PADI6: variants seen among roughly 807,000 people sequenced by gnomAD.
PADI6 encodes inactive protein-arginine deiminase type-6.
PADI6 carries 66 observed loss-of-function variants against 78.2 expected under a neutral mutation model. That is an observed-to-expected ratio of 0.84 (90% CI 0.69 to 1.04). The LOEUF is 1.04. Among genes scored for constraint, PADI6 ranks in the 50% least tolerant of loss-of-function variants. PADI6 has a pLI of 0.00. For synonymous variants in PADI6, 397 were observed against 346.9 expected, an observed-to-expected ratio of 1.14 and a Z score of -1.60; for missense variants, 854 against 866.1, an observed-to-expected ratio of 0.99 and a Z score of 0.18.
intron 8 of PADI6, 150 bp from the exon 9 acceptor site, chr1:17,391,964 G>A: frequency 3.1e-6 from 2 of 635,906 alleles, no homozygotes; most frequent in Non-Finnish European, 5.6e-6. Context: ...TTGTGCCGAG[G>A]TCAGGGATGG....
intron 14 of PADI6, among the ~76,000 whole-genome samples, chr1:17,397,469 A>G (rs11584962): frequency 0.03 from 4,505 of 152,252 alleles, 94 homozygotes; most frequent in Non-Finnish European, 0.041. Flanking sequence ...GGACAGGGGC[A>G]GGGAGGAGCG....
At chr1:17,382,131 C>G in intron 6 of PADI6, 39 bp downstream of exon 6, 1 of 1,606,552 alleles carries the variant, frequency 6.2e-7, no homozygotes. Flanking sequence ...TGCCTGCTCT[C>G]GACGTGCCAG....
At position 17,388,401 on chromosome 1, in the gene PADI6, G is replaced by C. The variant is rs955854373; in HGVS notation, c.700G>C (p.Glu234Gln). The change falls in exon 7 of 16, where the codon GAG becomes CAG. Residue 234 changes from glutamate to glutamine, a missense_variant. By Grantham distance (29) the Glu-to-Gln change is conservative (BLOSUM62 2). Coordinates refer to ENST00000619609, the MANE Select transcript of PADI6 (RefSeq NM_207421.4). ...WPQKDNSSTF[E>Q]LVLGPDQHAY... ...CCTAGAAGACAACTCCAGTACCTTT[G>C]AGTTGGTGCTGGGGCCCGACCAGCA... The C allele has an allele frequency of 1.9e-6, 3 of 1,613,038 alleles. No homozygotes were observed. Among genetic ancestry groups the C allele is most frequent in the Non-Finnish European group, 2.5e-6 (3 of 1,179,526 alleles).
chr1:17,398,654 G>GCTCCCCCCC, intron 14 of PADI6, 32 bp from the exon 15 acceptor site: 5 of 173,478 alleles, frequency 2.9e-5, no homozygotes, highest in South Asian at 1.5e-4. Flanking sequence ...TTGCTCCCCC[G>GCTCCCCCCC]CCCCCCCCCC....
intron 8 of PADI6, among the ~76,000 whole-genome samples, chr1:17,390,537 G>A (rs2075171739): frequency 6.6e-6 from 1 of 151,456 alleles, no homozygotes; most frequent in African/African-American, 2.4e-5. Flanking sequence ...CCAGAAGGCG[G>A]AGGTTGCAGT....
chr1:17,384,399 G>C (rs2075101540), intron 6 of PADI6, among the ~76,000 whole-genome samples: 1 of 152,136 alleles, frequency 6.6e-6, no homozygotes, highest in South Asian at 2.1e-4. Context: ...TTCAAGACCA[G>C]CCTTGGCAAC....
intron 2 of PADI6, among the ~76,000 whole-genome samples, chr1:17,373,921 G>C (rs2074990714): frequency 6.6e-6 from 1 of 152,166 alleles, no homozygotes; most frequent in Non-Finnish European, 1.5e-5. Context: ...TGGGTAAGCT[G>C]TCTCCCTAAT....
chr1:17,378,041 A>C (rs532703742), intron 3 of PADI6, among the ~76,000 whole-genome samples: 6 of 152,156 alleles, frequency 3.9e-5, no homozygotes, highest in African/African-American at 1.4e-4. Context: ...TGGCCACTCT[A>C]ACCCTTGGCC....
rs368012608 is a variant in PADI6, at chr1:17,398,856, C to T, written c.1851+9C>T. 90 of 1,612,190 alleles carry T rather than the reference C, an allele frequency of 5.6e-5. 1 individual carries two copies. The highest frequency in any genetic ancestry group is 4.0e-4 in the East Asian group (18 of 44,842). On this transcript the variant is annotated intron_variant, in intron 15 of 15. Transcript: ENST00000619609. ...CATACTTCCCTGACCTGGTGAGGGG[C>T]GACTGCGCATCCCTGGGTGGGGGAG... is the stretch of plus-strand genomic sequence containing the variant.
intron 15 of PADI6, 112 bp from the exon 16 acceptor site, chr1:17,401,093 G>A: frequency 2.3e-6 from 2 of 876,940 alleles, no homozygotes; most frequent in South Asian, 3.4e-5. Context: ...TGACCTGGAG[G>A]AGGCGGCTGC....
intron 6 of PADI6, among the ~76,000 whole-genome samples, chr1:17,385,357 G>A (rs1198946234): frequency 2.0e-5 from 3 of 152,172 alleles, no homozygotes; most frequent in Non-Finnish European, 4.4e-5. Context: ...AAAAAGGTGT[G>A]GGAGTGGACA....
At chr1:17,376,942 A>G (rs2075025116) in intron 3 of PADI6, among the ~76,000 whole-genome samples, 1 of 152,086 alleles carries the variant, frequency 6.6e-6, no homozygotes, top group African/African-American at 2.4e-5. Flanking sequence ...ACTGGAGTGA[A>G]GAGACACGAT....
At chr1:17,394,916 T>C in intron 11 of PADI6, 35 bp from the exon 12 acceptor site, 1 of 1,551,468 alleles carries the variant, frequency 6.4e-7, no homozygotes, top group Non-Finnish European at 8.7e-7. Flanking sequence ...TGGGCCACAC[T>C]GGCTCAAGAG....
chr1:17,388,984 C>T lies in PADI6; in HGVS notation c.962+104C>T, dbSNP rs146461773. On this transcript the variant is annotated intron_variant, in intron 8 of 15. Transcript: ENST00000619609. The stretch of plus-strand genomic sequence containing the variant: ...GGTGAAGATGACTAGGACCTCTCAC[C>T]AGGAGAGTTGAAACCCTTCTGTCTG... 68 of 848,796 alleles carry T rather than the reference C, an allele frequency of 8.0e-5. 2 individuals carry two copies. In the African/African-American group the frequency reaches 8.7e-4, roughly 11 times the overall value. The allele number at this position is 848,796 out of a possible 1,614,324, so 52.6% of individuals were successfully genotyped here. A position where few individuals can be genotyped will look rare whatever the true frequency, so the allele number is the denominator to read the frequency against.
At chr1:17,376,121 T>C (rs1267407183) in intron 3 of PADI6, among the ~76,000 whole-genome samples, 1 of 151,512 alleles carries the variant, frequency 6.6e-6, no homozygotes, top group East Asian at 1.9e-4. Context: ...ACTATAGGTG[T>C]GTGCCACCAT....
chr1:17,386,925 C>T (rs111970611), intron 6 of PADI6, among the ~76,000 whole-genome samples: 245 of 152,274 alleles, frequency 1.6e-3, no homozygotes, highest in African/African-American at 5.6e-3. Context: ...CTGGCAGTGC[C>T]GTGCAGAAGG....
intron 4 of PADI6, among the ~76,000 whole-genome samples, chr1:17,380,782 A>G (rs527991708): frequency 2.6e-5 from 4 of 152,156 alleles, no homozygotes; most frequent in East Asian, 1.9e-4. Flanking sequence ...CTCTTTTCCA[A>G]TTTGCCTCGG....
At position 17,394,415 on chromosome 1, in the gene PADI6, C is replaced by T. The variant is rs759006424; in HGVS notation, c.1298C>T (p.Pro433Leu). Residue 433 changes from proline to leucine, a missense_variant, in exon 11 of 16, where the codon CCG (proline) becomes CTG (leucine). Transcript: ENST00000619609. ...PPVKVQGKEY[P>L]LGRVLIGSSF... Reference sequence around the variant, plus strand: ...GTCAAGGTCCAAGGGAAAGAGTACCCGCTGGGCAGAGTCCTCATTGGCAGC... The same window carrying T: ...GTCAAGGTCCAAGGGAAAGAGTACCTGCTGGGCAGAGTCCTCATTGGCAGC... The T allele has an allele frequency of 2.5e-5, 41 of 1,613,484 alleles. No homozygotes were observed. Among genetic ancestry groups the T allele is most frequent in the Non-Finnish European group, 2.9e-5 (34 of 1,179,810 alleles).
chr1:17,395,836 C>T (rs2075241524), intron 13 of PADI6, among the ~76,000 whole-genome samples, 173 bp downstream of exon 13: 2 of 152,148 alleles, frequency 1.3e-5, no homozygotes, highest in African/African-American at 2.4e-5. Context: ...GGTACTACAA[C>T]ACAAGTAGAC....
Sources: gnomAD v4.1 joint callset for allele counts (sites outside exome capture counted in the v4.1 genomes callset) on GRCh38, gnomAD v4.1.1 for gene constraint, MANE v1.5 for transcripts, NCBI Gene and HGNC (gene_info 2026-07-23, HGNC 2026-07-21) for gene names.